Variants in PRUNE2 observed in about 807,000 individuals in gnomAD.
PRUNE2 encodes the protein protein prune homolog 2.
In PRUNE2, 164 loss-of-function variants were observed where a neutral mutation model predicts 252.0. The observed-to-expected ratio is 0.65, with a 90% CI of 0.57 to 0.74. The LOEUF (loss-of-function observed/expected upper bound fraction) is 0.74. PRUNE2 is among the 30% of genes least tolerant of loss of function. PRUNE2 has a pLI of 0.00. For missense variants in PRUNE2, 3,495 were observed against 3,711.0 expected (o/e 0.94, Z 1.51); for synonymous variants, 1,292 against 1,350.2 (o/e 0.96, Z 0.94).
At chr9:76,824,501 T>C (rs963599210) in intron 5 of PRUNE2, among the ~76,000 whole-genome samples, 2 of 152,232 alleles carry the variant, frequency 1.3e-5, no homozygotes, top group African/African-American at 4.8e-5. Flanking sequence ...ATAAGAGTTA[T>C]TAAATTCCCT....
At chr9:76,876,027 A>G (rs929087744) in intron 1 of PRUNE2, among the ~76,000 whole-genome samples, 34 of 152,188 alleles carry the variant, frequency 2.2e-4, no homozygotes, top group African/African-American at 8.2e-4. Context: ...ACGCACAAAC[A>G]TTTAAGAATC....
In PRUNE2 at chr9:76,823,474, C is replaced by T. The variant is rs1174504777; in HGVS notation, c.756+158G>A. On this transcript the variant is annotated intron_variant, in intron 6 of 18. Transcript: ENST00000376718. ...TTTCATTGACTTAGCATAGTGTTTT[C>T]ACCCAAATAATAACCTGCCACTATA... The T allele has an allele frequency of 9.5e-6, 6 of 628,386 alleles. No individual in the cohort carries two copies. The Admixed American group carries it at 1.2e-4, about 12-fold the overall frequency. The allele number at this position is 628,386 out of a possible 1,614,324, so 38.9% of individuals were successfully genotyped here. A position where few individuals can be genotyped will look rare whatever the true frequency, so the allele number is the denominator to read the frequency against.
chr9:76,860,815 G>A (rs997922509), intron 1 of PRUNE2, among the ~76,000 whole-genome samples: 3 of 152,166 alleles, frequency 2.0e-5, no homozygotes, highest in African/African-American at 7.2e-5. Context: ...CTGTAGGATG[G>A]TGTCTCCAAA....
chr9:76,707,240 G>A lies in PRUNE2; in HGVS notation c.5034C>T (p.Ala1678=). ...DISATVQPED[A]RVISTSSGSD... is the part of the protein sequence containing the mutation. ...AACCTGAGCTTGTTGAAATGACCCT[G>A]GCATCCTCTGGCTGCACAGTTGCAG... Residue 1678 remains alanine, a synonymous_variant, in exon 8 of 19, where the codon GCC becomes GCT. Coordinates refer to ENST00000376718, the MANE Select transcript of PRUNE2 (RefSeq NM_015225.3). 1 of 1,613,658 alleles carries A rather than the reference G, an allele frequency of 6.2e-7. No individual in the cohort carries two copies. The highest frequency in any genetic ancestry group is 2.2e-5 in the East Asian group (1 of 44,882).
At chr9:76,729,838 A>G (rs1284190750) in intron 6 of PRUNE2, among the ~76,000 whole-genome samples, 1 of 152,142 alleles carries the variant, frequency 6.6e-6, no homozygotes, top group Non-Finnish European at 1.5e-5. Flanking sequence ...TATAAAATTT[A>G]ATTTTCCATT....
intron 6 of PRUNE2, among the ~76,000 whole-genome samples, chr9:76,789,231 C>CA (rs1437019977): frequency 7.2e-5 from 11 of 152,174 alleles, no homozygotes; most frequent in Non-Finnish European, 1.5e-4. Flanking sequence ...TAGTGTTTTA[C>CA]CTGTGACGAT....
chr9:76,820,235 G>C (rs1293981139), intron 6 of PRUNE2, among the ~76,000 whole-genome samples: 1 of 152,140 alleles, frequency 6.6e-6, no homozygotes, highest in Admixed American at 6.6e-5. Flanking sequence ...CTGACTTCCT[G>C]TACTGAGCAA....
At chr9:76,819,055 A>G (rs1439976688) in intron 6 of PRUNE2, among the ~76,000 whole-genome samples, 1 of 152,154 alleles carries the variant, frequency 6.6e-6, no homozygotes, top group East Asian at 1.9e-4. Flanking sequence ...GTTTGAGACC[A>G]GCCTTGGGCA....
At chr9:76,875,629 G>A (rs778042324) in intron 1 of PRUNE2, among the ~76,000 whole-genome samples, 1 of 152,192 alleles carries the variant, frequency 6.6e-6, no homozygotes, top group Non-Finnish European at 1.5e-5. Context: ...CTCCCAAAGT[G>A]CTGGGATTAC....
At chr9:76,776,894 AC>A (rs1421704812) in intron 6 of PRUNE2, among the ~76,000 whole-genome samples, 3 of 4,946 alleles carry the variant, frequency 6.1e-4, no homozygotes, top group African/African-American at 3.7e-3. Context: ...CAAAACACAT[AC>A]ACACACACAC....
intron 9 of PRUNE2, among the ~76,000 whole-genome samples, chr9:76,700,607 T>C (rs955063876): frequency 1.3e-5 from 2 of 152,212 alleles, no homozygotes; most frequent in African/African-American, 4.8e-5. Flanking sequence ...TTAAAACATT[T>C]TTTAAAAATT....
chr9:76,696,183 A>T (rs917327812), intron 9 of PRUNE2, among the ~76,000 whole-genome samples: 7 of 152,148 alleles, frequency 4.6e-5, no homozygotes, highest in Non-Finnish European at 1.0e-4. Context: ...CCAATCCTGC[A>T]CTGACTTTTT....
Position 76,848,870 on chromosome 9 carries a change from G to A in PRUNE2, c.344+1593C>T, listed in dbSNP as rs376247909. ...CCCACTCTTCTACTAACTACATATGGTTCTTTGTTTTTATTGTTGTTGTTT... is the reference window on the plus strand; with the variant it reads ...CCCACTCTTCTACTAACTACATATGATTCTTTGTTTTTATTGTTGTTGTTT... On this transcript the variant is annotated intron_variant, in intron 3 of 18. Transcript: ENST00000376718. 9.2e-5 allele frequency among the ~76,000 whole-genome samples: 14 copies of A among 152,252 alleles called. No individual in the cohort carries two copies. The East Asian group carries it at 2.5e-3, about 27-fold the overall frequency.
intron 6 of PRUNE2, among the ~76,000 whole-genome samples, chr9:76,821,228 C>T (rs550943615): frequency 4.6e-5 from 7 of 152,072 alleles, no homozygotes; most frequent in African/African-American, 1.4e-4. Flanking sequence ...GAGCAAGATT[C>T]GGAAAGTCAT....
chr9:76,810,557 C>A (rs2057288990), intron 6 of PRUNE2, among the ~76,000 whole-genome samples: 1 of 152,188 alleles, frequency 6.6e-6, no homozygotes, highest in African/African-American at 2.4e-5. Flanking sequence ...ACACCACTGA[C>A]CTGTAATAAT....
At chr9:76,740,940 T>G (rs979172551) in intron 6 of PRUNE2, among the ~76,000 whole-genome samples, 1 of 152,218 alleles carries the variant, frequency 6.6e-6, no homozygotes, top group African/African-American at 2.4e-5. Flanking sequence ...CTTATTTAAA[T>G]TAGTGATGCT....
intron 6 of PRUNE2, among the ~76,000 whole-genome samples, chr9:76,715,893 TAA>T (rs1160380519): frequency 1.3e-5 from 2 of 151,854 alleles, no homozygotes; most frequent in South Asian, 4.1e-4. Context: ...CTGAAAAAAA[TAA>T]AAAGAGACTA....
In PRUNE2 at chr9:76,827,608, C is replaced by T. The variant is rs555129692; in HGVS notation, c.509-876G>A. 8.5e-5 allele frequency among the ~76,000 whole-genome samples: 13 copies of T among 152,154 alleles called. No individual in the cohort carries two copies. In the South Asian group the frequency reaches 2.5e-3, roughly 29 times the overall value. On this transcript the variant is annotated intron_variant, in intron 4 of 18. Transcript: ENST00000376718. Reference sequence around the variant, plus strand: ...CGTCTCTGTTTCAGTGTAGCCTTAACGCCAGTCATGGGGGAGGGAAAATGG... The same window carrying T: ...CGTCTCTGTTTCAGTGTAGCCTTAATGCCAGTCATGGGGGAGGGAAAATGG...
intron 4 of PRUNE2, among the ~76,000 whole-genome samples, chr9:76,846,057 C>T (rs746334854): frequency 2.0e-5 from 3 of 152,132 alleles, no homozygotes; most frequent in Middle Eastern, 3.2e-3. Flanking sequence ...ACTATAAAAG[C>T]CCTGACACAG....
Sources: allele counts gnomAD v4.1 joint callset (sites outside exome capture counted in the v4.1 genomes callset), GRCh38; gene constraint gnomAD v4.1.1; transcripts MANE v1.5; gene names NCBI Gene and HGNC (gene_info 2026-07-23, HGNC 2026-07-21).